The following ABI3BP variants were observed in gnomAD, a reference collection of about 807,000 sequenced individuals.
ABI3BP encodes ABI family member 3 binding protein, also known as target of Nesh-SH3.
A neutral mutation model predicts 268.6 loss-of-function variants in ABI3BP; 216 were observed. The observed-to-expected ratio is 0.80, with a 90% CI of 0.72 to 0.90. ABI3BP has a LOEUF of 0.90. Among genes scored for constraint, ABI3BP ranks in the 40% least tolerant of loss-of-function variants. The pLI is 0.00. For missense variants in ABI3BP, 2,090 were observed against 2,182.4 expected, an observed-to-expected ratio of 0.96 and a Z score of 0.84; for synonymous variants, 730 against 730.0, an observed-to-expected ratio of 1.00 and a Z score of 0.00.
At chr3:100,803,726 T>C (rs2097602483) in intron 51 of ABI3BP, among the ~76,000 whole-genome samples, 11 of 152,214 alleles carry the variant, frequency 7.2e-5, no homozygotes. Flanking sequence ...AAGCTGATCT[T>C]TTGCAAGTGA....
chr3:100,772,110 A>G (rs1217971199), intron 61 of ABI3BP, among the ~76,000 whole-genome samples: 1 of 152,230 alleles, frequency 6.6e-6, no homozygotes, highest in Non-Finnish European at 1.5e-5. Flanking sequence ...AGCATCTTCA[A>G]TTATTGAAAT....
At chr3:100,949,458 G>T (rs1250099798) in intron 1 of ABI3BP, among the ~76,000 whole-genome samples, 1 of 152,052 alleles carries the variant, frequency 6.6e-6, no homozygotes, top group Non-Finnish European at 1.5e-5. Context: ...TAGAAATGGA[G>T]TTTCGCCACG....
chr3:100,885,581 T>A lies in ABI3BP; in HGVS notation c.651A>T (p.Lys217Asn). 12 of 1,549,954 alleles carry A rather than the reference T, an allele frequency of 7.7e-6. No homozygotes were observed. The highest frequency in any genetic ancestry group is 1.1e-5 in the Non-Finnish European group (12 of 1,139,748). The stretch of plus-strand genomic sequence containing the variant: ...AGGTACTTTGGATTTTCCCATTTAC[T>A]TTTTTACCTGATGAAACAAGGGAAA... Reference protein sequence around the residue: ...FNHKTVVGSKKVNGKIQSTYD... With the variant: ...FNHKTVVGSKNVNGKIQSTYD... Residue 217 changes from lysine to asparagine, a missense_variant, in exon 6 of 68, where the codon AAA becomes AAT. Transcript: ENST00000471714.
In ABI3BP at chr3:100,965,256, T is replaced by C. The variant is rs2080842178; in HGVS notation, c.79+28050A>G. On this transcript the variant is annotated intron_variant, in intron 1 of 67. Coordinates refer to ENST00000471714, the MANE Select transcript of ABI3BP (RefSeq NM_001375547.2). ...CTAACTCATCTCAAATGCCATCTTTTTCAAGTCCCATTTGCCTCAAGGACT... is the reference window on the plus strand; with the variant it reads ...CTAACTCATCTCAAATGCCATCTTTCTCAAGTCCCATTTGCCTCAAGGACT... Among the ~76,000 whole-genome samples the C allele has an allele frequency of 2.0e-5, 3 of 152,162 alleles. No homozygotes were observed. In the South Asian group the frequency reaches 6.2e-4, roughly 32 times the overall value.
chr3:100,780,282 G>A (rs561752049), intron 57 of ABI3BP, 73 bp from the exon 58 acceptor site: 9 of 1,376,824 alleles, frequency 6.5e-6, no homozygotes, highest in African/African-American at 1.4e-5. Flanking sequence ...AGAGTTGCCA[G>A]TAATAACGTA....
At chr3:100,929,652 A>ACACATTACTTCTTCTCTTATTT (rs1226049479) in intron 1 of ABI3BP, among the ~76,000 whole-genome samples, 1 of 151,902 alleles carries the variant, frequency 6.6e-6, no homozygotes, top group African/African-American at 2.4e-5. Flanking sequence ...TTATCTTACC[A>ACACATTACTTCTTCTCTTATTT]CACATTACTT....
rs182405490 is a variant in ABI3BP at position 100,827,123 on chromosome 3, A to G, written c.2602+1270T>C. On this transcript the variant is annotated intron_variant, in intron 34 of 67. Transcript: ENST00000471714. ...TCATTTTTTACTTTAAGACCCTACAATAAGTCTAACACTTAACATTTATAT... is the reference window on the plus strand; with the variant it reads ...TCATTTTTTACTTTAAGACCCTACAGTAAGTCTAACACTTAACATTTATAT... Among the ~76,000 whole-genome samples, 369 of 152,210 alleles carry G rather than the reference A, an allele frequency of 2.4e-3. 8 individuals are homozygous for G. Among genetic ancestry groups the G allele is most frequent in the Non-Finnish European group, 3.5e-4 (24 of 68,012 alleles).
At chr3:100,776,504 A>G (rs1210532692) in intron 59 of ABI3BP, among the ~76,000 whole-genome samples, 1 of 152,208 alleles carries the variant, frequency 6.6e-6, no homozygotes, top group Non-Finnish European at 1.5e-5. Context: ...GATTGAGGGC[A>G]AGTGGCACAT....
At chr3:100,959,146 A>G (rs1390630766) in intron 1 of ABI3BP, among the ~76,000 whole-genome samples, 1 of 152,176 alleles carries the variant, frequency 6.6e-6, no homozygotes, top group Non-Finnish European at 1.5e-5. Context: ...GAGACCTTCC[A>G]CAGAGAGTGA....
intron 49 of ABI3BP, among the ~76,000 whole-genome samples, chr3:100,808,546 A>T (rs975379575): frequency 6.6e-6 from 1 of 152,116 alleles, no homozygotes; most frequent in Non-Finnish European, 1.5e-5. Context: ...CATCCTTATT[A>T]TAAGTTCATA....
At chr3:100,873,851 T>C (rs920134258) in intron 9 of ABI3BP, among the ~76,000 whole-genome samples, 7 of 152,186 alleles carry the variant, frequency 4.6e-5, no homozygotes. Context: ...GGGTAATGCA[T>C]AGTATTTGTT....
At chr3:100,859,575 A>G (rs1009316876) in intron 14 of ABI3BP, among the ~76,000 whole-genome samples, 3 of 148,204 alleles carry the variant, frequency 2.0e-5, no homozygotes, top group Admixed American at 1.3e-4. Flanking sequence ...GAACATTAGT[A>G]CACATGTAAA....
chr3:100,843,908 C>T (rs1408052539), intron 20 of ABI3BP: 13 of 985,080 alleles, frequency 1.3e-5, no homozygotes, highest in East Asian at 1.1e-4. Context: ...AATTAAAGAA[C>T]GTTGTTTTTG....
chr3:100,868,692 G>A (rs1206209310), intron 9 of ABI3BP, among the ~76,000 whole-genome samples: 1 of 152,318 alleles, frequency 6.6e-6, no homozygotes, highest in Non-Finnish European at 1.5e-5. Flanking sequence ...TGTCATAAAT[G>A]ATAATTTGCA....
At chr3:100,824,367 C>T (rs2098322890) in intron 36 of ABI3BP, among the ~76,000 whole-genome samples, 1 of 152,124 alleles carries the variant, frequency 6.6e-6, no homozygotes, top group Non-Finnish European at 1.5e-5. Flanking sequence ...CAGCCCACCT[C>T]GATCTTATCT....
chr3:100,934,000 T>A (rs552077768), intron 1 of ABI3BP, among the ~76,000 whole-genome samples: 2 of 152,030 alleles, frequency 1.3e-5, no homozygotes, highest in Non-Finnish European at 2.9e-5. Flanking sequence ...TTTTTAATTA[T>A]ACTCTAAGTT....
chr3:100,869,981 A>G (rs2099094363), intron 9 of ABI3BP, among the ~76,000 whole-genome samples: 1 of 152,016 alleles, frequency 6.6e-6, no homozygotes, highest in Non-Finnish European at 1.5e-5. Flanking sequence ...TATATCTCTC[A>G]TTATTCACAC....
intron 55 of ABI3BP, among the ~76,000 whole-genome samples, chr3:100,791,235 T>G (rs889685188): frequency 6.6e-6 from 1 of 151,878 alleles, no homozygotes; most frequent in Non-Finnish European, 1.5e-5. Flanking sequence ...AGGAATTTGA[T>G]TAAAATTCCA....
intron 2 of ABI3BP, among the ~76,000 whole-genome samples, chr3:100,909,702 A>T (rs914460735): frequency 1.4e-4 from 21 of 152,252 alleles, no homozygotes; most frequent in African/African-American, 4.1e-4. Context: ...AGAAATGCAA[A>T]TCAAAACCAC....
Sources: allele counts gnomAD v4.1 joint callset (sites outside exome capture counted in the v4.1 genomes callset), GRCh38; gene constraint gnomAD v4.1.1; transcripts MANE v1.5; gene names NCBI Gene and HGNC (gene_info 2026-07-23, HGNC 2026-07-21).